BRDT: variants seen among roughly 807,000 people sequenced by gnomAD.
The protein encoded by BRDT is bromodomain testis associated, also known as bromodomain testis-specific protein.
In BRDT, 77 loss-of-function variants were observed where a neutral mutation model predicts 113.9. The observed-to-expected ratio is 0.68, with a 90% CI of 0.56 to 0.82. The LOEUF is 0.82. Among genes scored for constraint, BRDT ranks in the 40% least tolerant of loss-of-function variants. The pLI is 0.00. For synonymous variants in BRDT, 358 were observed against 366.5 expected (o/e 0.98, Z 0.26); for missense variants, 1,027 against 1,105.4 (o/e 0.93, Z 1.01).
chr1:92,010,340 C>T (rs1177085936), intron 18 of BRDT, among the ~76,000 whole-genome samples: 7 of 139,468 alleles, frequency 5.0e-5, no homozygotes, highest in Admixed American at 8.4e-5. Flanking sequence ...GGCGTGATCT[C>T]GGCTCACTGC....
At position 91,964,776 on chromosome 1, in the gene BRDT, T is replaced by C. The variant is rs191327116; in HGVS notation, c.330+12T>C. 4.6e-4 allele frequency: 657 copies of C among 1,419,066 alleles called. 2 individuals are homozygous for C. The African/African-American group carries it at 8.3e-3, about 18-fold the overall frequency. The allele number at this position is 1,419,066 out of a possible 1,614,324, so 87.9% of individuals were successfully genotyped here. A position where few individuals can be genotyped will look rare whatever the true frequency, so the allele number is the denominator to read the frequency against. Reference sequence around the variant, plus strand: ...ATTTATATAACAAGGTATGTAAGCCTTATGTTATACTTGCTAATTCTTTGC... The same window carrying C: ...ATTTATATAACAAGGTATGTAAGCCCTATGTTATACTTGCTAATTCTTTGC... On this transcript the variant is annotated intron_variant, in intron 3 of 18. Transcript: ENST00000399546.
rs186913273 is a variant in BRDT at position 91,991,319 on chromosome 1, A to G, written c.2064+74A>G. On this transcript the variant is annotated intron_variant, in intron 13 of 18. Coordinates refer to ENST00000399546, the MANE Select transcript of BRDT (RefSeq NM_207189.4). ...CATGGGTATAGTAGTAGCTTTCTTT[A>G]AAATTGTTTTCAATTTTATTTACAC... 149 of 778,612 alleles carry G rather than the reference A, an allele frequency of 1.9e-4. No individual in the cohort carries two copies. The East Asian group carries it at 4.1e-3, about 22-fold the overall frequency. The allele number at this position is 778,612 out of a possible 1,614,324, so 48.2% of individuals were successfully genotyped here. A position where few individuals can be genotyped will look rare whatever the true frequency, so the allele number is the denominator to read the frequency against.
chr1:91,983,984 T>C (rs944593166), intron 12 of BRDT, among the ~76,000 whole-genome samples: 6 of 152,244 alleles, frequency 3.9e-5, no homozygotes, highest in Non-Finnish European at 7.3e-5. Context: ...GTGGCAAGTT[T>C]TTATATTTGA....
At chr1:91,960,466 C>T (rs893931211) in intron 1 of BRDT, among the ~76,000 whole-genome samples, 1 of 152,174 alleles carries the variant, frequency 6.6e-6, no homozygotes, top group African/African-American at 2.4e-5. Context: ...TGATTTGTCA[C>T]TTTAATGAAG....
At chr1:92,013,950 A>C (rs1230188486) in intron 18 of BRDT, among the ~76,000 whole-genome samples, 1 of 152,176 alleles carries the variant, frequency 6.6e-6, no homozygotes, top group Non-Finnish European at 1.5e-5. Context: ...GGAGGGGTCA[A>C]ACTTATTCTT....
chr1:92,008,449 A>G (rs1422728052), intron 18 of BRDT, among the ~76,000 whole-genome samples: 1 of 152,006 alleles, frequency 6.6e-6, no homozygotes, highest in Non-Finnish European at 1.5e-5. Flanking sequence ...CCTACGTGCC[A>G]TACCCCTCTA....
rs899221809 is a variant in BRDT at position 92,014,409 on chromosome 1, G to T, written c.*135G>T. On this transcript the variant is annotated 3_prime_UTR_variant, in exon 19 of 19. Transcript: ENST00000399546. The stretch of plus-strand genomic sequence containing the variant: ...TTGACTGCTCTAAAATGATTAAACA[G>T]TTTTCACTTACATTTTTAATAGCTA... 2 of 531,390 alleles carry T rather than the reference G, an allele frequency of 3.8e-6. No individual in the cohort carries two copies. The highest frequency in any genetic ancestry group is 3.2e-6 in the Non-Finnish European group (1 of 312,672). The allele number at this position is 531,390 out of a possible 1,614,324, so 32.9% of individuals were successfully genotyped here.
intron 18 of BRDT, among the ~76,000 whole-genome samples, chr1:92,006,180 C>T (rs2101815434): frequency 6.6e-6 from 1 of 152,132 alleles, no homozygotes; most frequent in East Asian, 1.9e-4. Context: ...TCTGTGTGCA[C>T]ATGAAGAATG....
intron 2 of BRDT, among the ~76,000 whole-genome samples, chr1:91,964,051 T>C (rs756462575): frequency 6.6e-6 from 1 of 151,994 alleles, no homozygotes; most frequent in Non-Finnish European, 1.5e-5. Context: ...TTCTGTTGTT[T>C]TTTTTTGTTG....
intron 4 of BRDT, among the ~76,000 whole-genome samples, chr1:91,974,390 A>G (rs1301848908): frequency 1.3e-5 from 2 of 152,232 alleles, no homozygotes; most frequent in Non-Finnish European, 2.9e-5. Context: ...TACTCATCTG[A>G]CAAAGGGCTA....
intron 18 of BRDT, among the ~76,000 whole-genome samples, chr1:92,011,743 T>C (rs1218034216): frequency 6.6e-6 from 1 of 152,178 alleles, no homozygotes; most frequent in East Asian, 1.9e-4. Context: ...ACTAATGATG[T>C]TACATCTAGC....
intron 1 of BRDT, among the ~76,000 whole-genome samples, chr1:91,958,929 G>C (rs970684372): frequency 1.3e-5 from 2 of 151,978 alleles, no homozygotes; most frequent in African/African-American, 2.4e-5. Flanking sequence ...TGTACCTATA[G>C]TCCCAGATAA....
intron 2 of BRDT, among the ~76,000 whole-genome samples, chr1:91,964,286 C>T (rs543989186): frequency 1.7e-4 from 26 of 152,346 alleles, no homozygotes; most frequent in Admixed American, 1.4e-3. Context: ...GTCTCGAACT[C>T]GTGACCTCAG....
intron 4 of BRDT, among the ~76,000 whole-genome samples, chr1:91,970,490 C>T (rs1683516846): frequency 6.6e-6 from 1 of 152,184 alleles, no homozygotes; most frequent in African/African-American, 2.4e-5. Flanking sequence ...TCATCTTGAA[C>T]TCCTGGCTTC....
At chr1:91,986,458 A>G (rs1188513967) in intron 12 of BRDT, among the ~76,000 whole-genome samples, 1 of 152,200 alleles carries the variant, frequency 6.6e-6, no homozygotes, top group Non-Finnish European at 1.5e-5. Flanking sequence ...AGTGTACTTA[A>G]TTTCAATTTT....
At chr1:91,995,401 T>TTC (rs201623265) in intron 15 of BRDT, among the ~76,000 whole-genome samples, 22 of 124,918 alleles carry the variant, frequency 1.8e-4, no homozygotes, top group African/African-American at 3.4e-4. Context: ...CTCCCTACTA[T>TTC]TCTGTGTGTG....
intron 15 of BRDT, among the ~76,000 whole-genome samples, chr1:91,997,409 A>G (rs1449548917): frequency 2.6e-5 from 4 of 152,180 alleles, no homozygotes; most frequent in Admixed American, 2.6e-4. Flanking sequence ...GGGCAAGATT[A>G]TTTTGAGTTT....
intron 1 of BRDT, among the ~76,000 whole-genome samples, chr1:91,961,880 G>T (rs1044647469): frequency 3.3e-5 from 5 of 151,994 alleles, no homozygotes; most frequent in African/African-American, 1.2e-4. Context: ...AAGGTTGGCC[G>T]GGCGCGGTGG....
At chr1:91,967,724 G>A (rs533609150) in intron 3 of BRDT, among the ~76,000 whole-genome samples, 65 of 152,126 alleles carry the variant, frequency 4.3e-4, no homozygotes, top group Middle Eastern at 3.4e-3. Context: ...GTAGAGACAG[G>A]GTTTCTCCAT....
Sources: allele counts gnomAD v4.1 joint callset (sites outside exome capture counted in the v4.1 genomes callset), GRCh38; gene constraint gnomAD v4.1.1; transcripts MANE v1.5; gene names NCBI Gene and HGNC (gene_info 2026-07-23, HGNC 2026-07-21).